EDA: variants seen among roughly 807,000 people sequenced by gnomAD.
EDA encodes the protein ectodysplasin-A.
EDA carries 2 observed loss-of-function variants against 23.6 expected under a neutral mutation model. That is an observed-to-expected ratio of 0.08 (90% confidence interval 0.03 to 0.27). EDA has a LOEUF of 0.27. Among genes scored for constraint, EDA ranks in the 10% least tolerant of loss-of-function variants. The pLI, the probability that EDA is intolerant of heterozygous loss-of-function variation, is 1.00. For synonymous variants in EDA, 131 were observed against 132.0 expected (o/e 0.99, Z 0.05); for missense variants, 229 against 324.2 (o/e 0.71, Z 2.26).
chrX:70,004,889 G>A (rs1292885091), intron 2 of EDA, among the ~76,000 whole-genome samples: 1 of 111,972 alleles, frequency 8.9e-6, no homozygotes, highest in Non-Finnish European at 1.9e-5. Flanking sequence ...CCAAGATTTC[G>A]AGACCAGCCT....
intron 1 of EDA, among the ~76,000 whole-genome samples, chrX:69,655,621 C>A (rs375242082): frequency 9.5e-6 from 1 of 105,697 alleles, no homozygotes; most frequent in East Asian, 3.1e-4. Flanking sequence ...ATAATACCTA[C>A]CTTTAGTGAT....
At position 69,785,959 on chromosome X, in the gene EDA, C is replaced by T. The variant is rs1047596396; in HGVS notation, c.396+169255C>T. ...TGGTTGGTAAGCTATTGATTATTGC[C>T]GCAATTTCAGCTCCTGTTATTGGTC... On this transcript the variant is annotated intron_variant, in intron 1 of 7. Coordinates refer to ENST00000374552, the MANE Select transcript of EDA (RefSeq NM_001399.5). Among the ~76,000 whole-genome samples, 8 of 110,972 alleles carry T rather than the reference C, an allele frequency of 7.2e-5. No homozygotes were observed. In the South Asian group the frequency reaches 1.5e-3, roughly 21 times the overall value.
intron 1 of EDA, among the ~76,000 whole-genome samples, chrX:69,865,163 A>G (rs1319634308): frequency 1.8e-5 from 2 of 111,090 alleles, no homozygotes; most frequent in Non-Finnish European, 3.8e-5. Flanking sequence ...GAGCTTGAAG[A>G]CAAGGCTTTC....
intron 2 of EDA, among the ~76,000 whole-genome samples, chrX:69,991,243 T>C (rs1263611747): frequency 9.0e-6 from 1 of 111,632 alleles, no homozygotes; most frequent in Non-Finnish European, 1.9e-5. Flanking sequence ...TTTATTGTAT[T>C]CTGGACATTT....
intron 2 of EDA, among the ~76,000 whole-genome samples, chrX:69,982,249 G>T (rs112036773): frequency 0.012 from 1,340 of 111,637 alleles, 21 homozygotes; most frequent in African/African-American, 0.042. Context: ...ACTCCCACCA[G>T]TCTTACTTTT....
At chrX:69,781,470 G>C (rs1351152241) in intron 1 of EDA, among the ~76,000 whole-genome samples, 1 of 111,468 alleles carries the variant, frequency 9.0e-6, no homozygotes, top group African/African-American at 3.3e-5. Context: ...ATTATCTATG[G>C]CTACTTTTGC....
At chrX:69,988,051 G>T (rs2019530600) in intron 2 of EDA, among the ~76,000 whole-genome samples, 1 of 112,343 alleles carries the variant, frequency 8.9e-6, no homozygotes, top group Admixed American at 9.4e-5. Context: ...GGGGTAAGAG[G>T]TTGAGCTTCC....
At chrX:69,663,921 A>G (rs1412529929) in intron 1 of EDA, among the ~76,000 whole-genome samples, 2 of 112,220 alleles carry the variant, frequency 1.8e-5, no homozygotes, top group Admixed American at 9.4e-5. Flanking sequence ...TGAGGCCTGA[A>G]GCCCCTTCGT....
chrX:69,679,412 C>T (rs902240633), intron 1 of EDA, among the ~76,000 whole-genome samples: 42 of 111,078 alleles, frequency 3.8e-4, no homozygotes, highest in East Asian at 2.0e-3. Context: ...AGTTCCTCCT[C>T]GTACCTCTGG....
At chrX:69,770,574 G>T (rs2014599851) in intron 1 of EDA, among the ~76,000 whole-genome samples, 1 of 111,353 alleles carries the variant, frequency 9.0e-6, no homozygotes, top group Non-Finnish European at 1.9e-5. Context: ...TTTCTAATGG[G>T]ATTTTTTTTA....
At chrX:69,924,881 T>G (rs149259887) in intron 1 of EDA, among the ~76,000 whole-genome samples, 1,368 of 111,525 alleles carry the variant, frequency 0.012, 21 homozygotes, top group African/African-American at 0.042. Flanking sequence ...CCTTGTTAGC[T>G]CTATTCCTGG....
intron 1 of EDA, among the ~76,000 whole-genome samples, chrX:69,686,514 G>T (rs910519471): frequency 2.7e-5 from 3 of 111,437 alleles, no homozygotes; most frequent in Non-Finnish European, 3.8e-5. Flanking sequence ...ACAGAGTTGT[G>T]CAACTATTAT....
At chrX:69,623,648 C>G (rs1303755033) in intron 1 of EDA, among the ~76,000 whole-genome samples, 1 of 106,397 alleles carries the variant, frequency 9.4e-6, no homozygotes, top group Non-Finnish European at 2.0e-5. Flanking sequence ...ATACTTCATT[C>G]TAGGTATTTT....
At chrX:70,005,827 T>A (rs749253872) in intron 2 of EDA, among the ~76,000 whole-genome samples, 1 of 111,772 alleles carries the variant, frequency 8.9e-6, no homozygotes, top group Admixed American at 9.5e-5. Flanking sequence ...TTTAGAACAG[T>A]TTTTGTATAC....
At chrX:69,914,750 T>C (rs1391920804) in intron 1 of EDA, among the ~76,000 whole-genome samples, 2 of 111,918 alleles carry the variant, frequency 1.8e-5, no homozygotes, top group Non-Finnish European at 3.8e-5. Flanking sequence ...CCTTTAGATA[T>C]CAGTAATATT....
intron 1 of EDA, among the ~76,000 whole-genome samples, chrX:69,827,298 C>G (rs1473415597): frequency 8.9e-6 from 1 of 112,183 alleles, no homozygotes; most frequent in Non-Finnish European, 1.9e-5. Flanking sequence ...AGACTGTTTT[C>G]CAACTTGGTT....
intron 1 of EDA, among the ~76,000 whole-genome samples, chrX:69,739,573 CT>C (rs2013381810): frequency 9.0e-6 from 1 of 110,822 alleles, no homozygotes; most frequent in Non-Finnish European, 1.9e-5. Flanking sequence ...TGTACTTCTG[CT>C]TTCTTTTGAA....
chrX:69,784,613 G>A (rs1391915489), intron 1 of EDA, among the ~76,000 whole-genome samples: 2 of 107,745 alleles, frequency 1.9e-5, no homozygotes, highest in Non-Finnish European at 3.9e-5. Context: ...GATATGTGGC[G>A]TTATTTTTGA....
At chrX:69,751,250 A>G (rs1276480724) in intron 1 of EDA, among the ~76,000 whole-genome samples, 1 of 110,128 alleles carries the variant, frequency 9.1e-6, no homozygotes, top group Non-Finnish European at 1.9e-5. Flanking sequence ...ATGGCTAGCC[A>G]GTTTTCCCAG....
Sources: allele counts gnomAD v4.1 joint callset (sites outside exome capture counted in the v4.1 genomes callset), GRCh38; gene constraint gnomAD v4.1.1; transcripts MANE v1.5; gene names NCBI Gene and HGNC (gene_info 2026-07-23, HGNC 2026-07-21).